NRG1: variants seen among roughly 807,000 people sequenced by gnomAD.
NRG1 encodes pro-neuregulin-1, membrane-bound isoform.
A neutral mutation model predicts 63.8 loss-of-function variants in NRG1; 18 were observed. The ratio of observed to expected loss-of-function variants is 0.28; its 90% confidence interval spans 0.19 to 0.42. The LOEUF (loss-of-function observed/expected upper bound fraction) is 0.42. Among genes scored for constraint, NRG1 ranks in the 10% least tolerant of loss-of-function variants. NRG1 has a pLI of 1.00. For missense variants in NRG1, 762 were observed against 814.7 expected (o/e 0.94, Z 0.79); for synonymous variants, 302 against 301.3 (o/e 1.00, Z -0.02).
At chr8:32,394,163 T>C (rs1697280053) in intron 1 of NRG1, among the ~76,000 whole-genome samples, 1 of 152,212 alleles carries the variant, frequency 6.6e-6, no homozygotes, top group African/African-American at 2.4e-5. Flanking sequence ...GTTCCTGCTT[T>C]AATCTATATC....
intron 5 of NRG1, chr8:32,721,970 A>AT (rs1037740595): frequency 4.8e-5 from 74 of 1,545,060 alleles, no homozygotes; most frequent in Non-Finnish European, 5.8e-5. Flanking sequence ...ATAATTTCAG[A>AT]TTTTTTAACT....
At chr8:31,893,953 A>G (rs539993559) in intron 1 of NRG1, among the ~76,000 whole-genome samples, 1 of 152,126 alleles carries the variant, frequency 6.6e-6, no homozygotes, top group Non-Finnish European at 1.5e-5. Flanking sequence ...GAATATTGTT[A>G]TGCAGATCAT....
Position 31,695,024 on chromosome 8 carries a change from C to T in NRG1, c.37+55593C>T, listed in dbSNP as rs547749197. Among the ~76,000 whole-genome samples the T allele has an allele frequency of 2.6e-5, 4 of 152,282 alleles. No homozygotes were observed. In the South Asian group the frequency reaches 6.2e-4, roughly 24 times the overall value. The stretch of plus-strand genomic sequence containing the variant: ...ACGAAGCAAAGAGGTTTAATTGACT[C>T]ACAGTTCTGCAGGCTGTACAGGAAG... On this transcript the variant is annotated intron_variant, in intron 1 of 10. Coordinates refer to the NRG1 transcript ENST00000519301.
At chr8:31,779,311 C>T (rs1563392190) in intron 1 of NRG1, among the ~76,000 whole-genome samples, 1 of 152,076 alleles carries the variant, frequency 6.6e-6, no homozygotes, top group Non-Finnish European at 1.5e-5. Flanking sequence ...TTATAGTGTG[C>T]TGGCATTACC....
chr8:32,599,456 A>G (rs1843935156), intron 2 of NRG1, among the ~76,000 whole-genome samples: 1 of 152,160 alleles, frequency 6.6e-6, no homozygotes, highest in South Asian at 2.1e-4. Context: ...TCACAGCAAT[A>G]TGCAATTTCT....
chr8:32,140,876 A>G (rs934147009), intron 1 of NRG1, among the ~76,000 whole-genome samples: 3 of 151,928 alleles, frequency 2.0e-5, no homozygotes, highest in African/African-American at 7.3e-5. Context: ...CTTTCTCTGC[A>G]CTTTGTTAGA....
At chr8:32,025,911 A>C (rs1441010376) in intron 1 of NRG1, among the ~76,000 whole-genome samples, 1 of 143,960 alleles carries the variant, frequency 6.9e-6, no homozygotes, top group Admixed American at 7.2e-5. Flanking sequence ...CCGCCGCTGC[A>C]TTACGGCCTG....
At chr8:31,731,589 A>G (rs1210577046) in intron 1 of NRG1, among the ~76,000 whole-genome samples, 1 of 152,170 alleles carries the variant, frequency 6.6e-6, no homozygotes, top group Non-Finnish European at 1.5e-5. Flanking sequence ...AATAGTTTTG[A>G]CATTTTTAGC....
Position 32,418,006 on chromosome 8 carries a change from T to C in NRG1, c.38-177822T>C, listed in dbSNP as rs139943371. Reference sequence around the variant, plus strand: ...ATAGCTTCCAGATAAATCCTTATGATAGTTTTGCTATCACTAGATAGTGGC... The same window carrying C: ...ATAGCTTCCAGATAAATCCTTATGACAGTTTTGCTATCACTAGATAGTGGC... On this transcript the variant is annotated intron_variant, in intron 1 of 10. Transcript: ENST00000519301. 2.0e-3 allele frequency among the ~76,000 whole-genome samples: 299 copies of C among 152,288 alleles called. 2 individuals carry two copies. The highest frequency in any genetic ancestry group is 6.7e-3 in the African/African-American group (278 of 41,562).
chr8:31,808,885 T>C (rs1822560427), intron 1 of NRG1, among the ~76,000 whole-genome samples: 1 of 152,120 alleles, frequency 6.6e-6, no homozygotes. Context: ...TATTTTGTGT[T>C]GTCTTTCTCT....
intron 1 of NRG1, among the ~76,000 whole-genome samples, chr8:32,078,300 T>C (rs1286914038): frequency 2.0e-5 from 3 of 152,178 alleles, no homozygotes; most frequent in African/African-American, 7.2e-5. Flanking sequence ...CTGCCTGTGC[T>C]CTCACCATGT....
intron 1 of NRG1, among the ~76,000 whole-genome samples, chr8:32,520,618 T>C (rs1200006548): frequency 6.6e-6 from 1 of 152,246 alleles, no homozygotes; most frequent in Non-Finnish European, 1.5e-5. Context: ...TTATGTTGTC[T>C]AAAGTCATAT....
In NRG1 at chr8:32,493,130, G is replaced by T. The variant is rs148487209; in HGVS notation, c.38-102698G>T. ...AATGGAGGTAATTAACAACCCTTCT[G>T]TGTGTTAAATTAGGTATCCACAGAA... On this transcript the variant is annotated intron_variant, in intron 1 of 10. Coordinates refer to the NRG1 transcript ENST00000519301. 2.1e-4 allele frequency among the ~76,000 whole-genome samples: 32 copies of T among 152,226 alleles called. No homozygotes were observed. The East Asian group carries it at 4.8e-3, about 23-fold the overall frequency.
At chr8:32,415,703 A>G (rs1030013268) in intron 1 of NRG1, among the ~76,000 whole-genome samples, 21 of 152,052 alleles carry the variant, frequency 1.4e-4, no homozygotes, top group Non-Finnish European at 8.8e-5. Context: ...TGTACACTTC[A>G]TTCCCCCTTT....
At chr8:31,774,902 T>G (rs1239786423) in intron 1 of NRG1, among the ~76,000 whole-genome samples, 1 of 152,188 alleles carries the variant, frequency 6.6e-6, no homozygotes, top group Non-Finnish European at 1.5e-5. Flanking sequence ...CCAGTCAGAA[T>G]AGTTATTATT....
At chr8:31,678,547 T>TA (rs1235641527) in intron 1 of NRG1, among the ~76,000 whole-genome samples, 6 of 151,974 alleles carry the variant, frequency 3.9e-5, no homozygotes, top group African/African-American at 1.4e-4. Context: ...TTTCTTCACT[T>TA]ACGCTTTTTC....
intron 1 of NRG1, among the ~76,000 whole-genome samples, chr8:32,195,375 G>A (rs530159414): frequency 6.6e-6 from 1 of 151,388 alleles, no homozygotes; most frequent in African/African-American, 2.4e-5. Flanking sequence ...GGAGGTCAAG[G>A]CTGCAGTTAG....
At chr8:31,977,609 C>G (rs1586210261) in intron 1 of NRG1, among the ~76,000 whole-genome samples, 1 of 151,946 alleles carries the variant, frequency 6.6e-6, no homozygotes, top group Admixed American at 6.6e-5. Flanking sequence ...AATATACAAG[C>G]AAACCAATTA....
At position 32,299,182 on chromosome 8, in the gene NRG1, G is replaced by A. The variant is rs1454984128; in HGVS notation, c.38-296646G>A. On this transcript the variant is annotated intron_variant, in intron 1 of 10. Transcript: ENST00000519301. ...TCTTCATACAAACTAGTCTTCCATG[G>A]TAATAGATTGGCTGGATGTTTTTCC... Among the ~76,000 whole-genome samples, 2 of 152,116 alleles carry A rather than the reference G, an allele frequency of 1.3e-5. 1 individual carries two copies. Among genetic ancestry groups the A allele is most frequent in the South Asian group, 4.2e-4 (2 of 4,818 alleles).
Sources: gnomAD v4.1 joint callset for allele counts (sites outside exome capture counted in the v4.1 genomes callset) on GRCh38, gnomAD v4.1.1 for gene constraint, MANE v1.5 for transcripts, NCBI Gene and HGNC (gene_info 2026-07-23, HGNC 2026-07-21) for gene names.